ZPLD1: variants seen among roughly 807,000 people sequenced by gnomAD.
The protein encoded by ZPLD1 is zona pellucida-like domain-containing protein 1.
Under a neutral mutation model 47.2 loss-of-function variants are expected in ZPLD1, and 34 were observed. The observed-to-expected ratio is 0.72, with a 90% CI of 0.55 to 0.96. The LOEUF is 0.96. ZPLD1 is among the 40% of genes least tolerant of loss of function. The pLI, the probability that ZPLD1 is intolerant of heterozygous loss-of-function variation, is 0.00. For synonymous variants in ZPLD1, 176 were observed against 186.2 expected (o/e 0.95, Z 0.45); for missense variants, 512 against 505.8 (o/e 1.01, Z -0.12).
intron 8 of ZPLD1, among the ~76,000 whole-genome samples, chr3:102,466,800 TTAAG>T (rs751230686): frequency 1.8e-4 from 27 of 151,388 alleles, no homozygotes; most frequent in African/African-American, 5.3e-4. Flanking sequence ...AAAAAGAGGA[TTAAG>T]TAAGAAAGAT....
intron 6 of ZPLD1, among the ~76,000 whole-genome samples, chr3:102,386,970 A>G (rs574370976): frequency 6.6e-6 from 1 of 152,144 alleles, no homozygotes; most frequent in Non-Finnish European, 1.5e-5. Flanking sequence ...TTGATGGAAT[A>G]TTTTTTGATG....
At chr3:102,475,257 C>T (rs750460718) in intron 10 of ZPLD1, among the ~76,000 whole-genome samples, 16 of 151,964 alleles carry the variant, frequency 1.1e-4, no homozygotes, top group Non-Finnish European at 2.1e-4. Context: ...CAGCGAAGTC[C>T]TCATTAATGA....
At chr3:102,453,661 T>C (rs551942411) in intron 4 of ZPLD1, among the ~76,000 whole-genome samples, 10 of 152,242 alleles carry the variant, frequency 6.6e-5, no homozygotes, top group Admixed American at 3.3e-4. Flanking sequence ...TATTCTTAAA[T>C]GTGTGGGATT....
chr3:102,426,140 A>G (rs915421871), intron 8 of ZPLD1, among the ~76,000 whole-genome samples: 3 of 151,678 alleles, frequency 2.0e-5, no homozygotes, highest in Admixed American at 6.6e-5. Flanking sequence ...ATGCACACAC[A>G]CACACACACA....
chr3:102,448,623 C>G (rs913584343), intron 3 of ZPLD1, among the ~76,000 whole-genome samples: 1 of 152,134 alleles, frequency 6.6e-6, no homozygotes, highest in Admixed American at 6.5e-5. Context: ...CTGCAGAAAG[C>G]CTTTAGTTTG....
intron 7 of ZPLD1, among the ~76,000 whole-genome samples, chr3:102,415,515 A>G (rs1706795258): frequency 6.6e-6 from 1 of 151,854 alleles, no homozygotes; most frequent in African/African-American, 2.4e-5. Context: ...GGATGCTACA[A>G]ACTTCATGAA....
chr3:102,476,985 T>C (rs1052198111), intron 10 of ZPLD1, 27 bp from the exon 11 acceptor site: 6 of 1,610,132 alleles, frequency 3.7e-6, no homozygotes, highest in Non-Finnish European at 4.2e-6. Flanking sequence ...ATGATGTCAC[T>C]TCTCTTTTTC....
chr3:102,399,824 A>G lies in ZPLD1; in HGVS notation c.-157+7599A>G, dbSNP rs138763869. Among the ~76,000 whole-genome samples the G allele has an allele frequency of 3.4e-4, 52 of 151,732 alleles. 1 individual carries two copies. The East Asian group carries it at 4.8e-3, about 14-fold the overall frequency. On this transcript the variant is annotated intron_variant, in intron 7 of 17. Transcript: ENST00000491959. ...AGAGAGTTTGTTTGTTTGTTTGTTT[A>G]TTTATTTATTTTGTGATAGAGTCTC...
intron 10 of ZPLD1, among the ~76,000 whole-genome samples, chr3:102,473,942 T>C (rs1026102148): frequency 1.3e-5 from 2 of 152,200 alleles, no homozygotes; most frequent in African/African-American, 4.8e-5. Flanking sequence ...TCTTCAAAGC[T>C]CTCTGATGCT....
chr3:102,436,439 C>T (rs182800041), intron 1 of ZPLD1, among the ~76,000 whole-genome samples: 13 of 152,124 alleles, frequency 8.5e-5, no homozygotes, highest in African/African-American at 2.7e-4. Context: ...TATAAATGAA[C>T]AGATCTATTA....
intron 10 of ZPLD1, among the ~76,000 whole-genome samples, chr3:102,476,689 G>T (rs1159314220): frequency 6.6e-6 from 1 of 152,088 alleles, no homozygotes; most frequent in Non-Finnish European, 1.5e-5. Context: ...TGACTGGAGA[G>T]CTAATGATGA....
chr3:102,479,381 T>C lies in ZPLD1; in HGVS notation c.*1763T>C, dbSNP rs1329567565. ...ATCTATTTCAGATACTTTAAGTGAATTGCCATTGATTCTACGATTAAGTTC... is the reference window on the plus strand; with the variant it reads ...ATCTATTTCAGATACTTTAAGTGAACTGCCATTGATTCTACGATTAAGTTC... On this transcript the variant is annotated 3_prime_UTR_variant, in exon 12 of 12. Coordinates refer to ENST00000466937, the MANE Select transcript of ZPLD1 (RefSeq NM_001329788.2). 6.6e-6 allele frequency: 1 copy of C among 152,198 alleles called. No individual in the cohort carries two copies. Among genetic ancestry groups the C allele is most frequent in the Non-Finnish European group, 1.5e-5 (1 of 68,010 alleles). The allele number at this position is 152,198 out of a possible 1,614,324, so 9.4% of individuals were successfully genotyped here. A position where few individuals can be genotyped will look rare whatever the true frequency, so the allele number is the denominator to read the frequency against.
Position 102,415,263 on chromosome 3 carries a change from G to A in ZPLD1, c.-156-2797G>A, listed in dbSNP as rs77874352. Among the ~76,000 whole-genome samples, 217 of 151,900 alleles carry A rather than the reference G, an allele frequency of 1.4e-3. 1 individual carries two copies. Among genetic ancestry groups the A allele is most frequent in the South Asian group, 6.2e-3 (30 of 4,812 alleles). ...TATAATTTAGCTCTGCAGTAAGAAA[G>A]CCATTACACTGTGTCTATGAGATAC... On this transcript the variant is annotated intron_variant, in intron 7 of 17. Transcript: ENST00000491959.
intron 7 of ZPLD1, among the ~76,000 whole-genome samples, chr3:102,463,132 A>G (rs1707535245): frequency 6.6e-6 from 1 of 152,066 alleles, no homozygotes; most frequent in African/African-American, 2.4e-5. Flanking sequence ...TTCGCTTCCC[A>G]TGGATTAGTA....
intron 7 of ZPLD1, among the ~76,000 whole-genome samples, chr3:102,462,802 A>G (rs188233568): frequency 1.3e-4 from 20 of 152,266 alleles, no homozygotes; most frequent in African/African-American, 3.1e-4. Flanking sequence ...ATTACATAAA[A>G]TGATCTCCAG....
In ZPLD1 at chr3:102,390,903, G is replaced by A. The variant is rs572369855; in HGVS notation, c.-212-1267G>A. The stretch of plus-strand genomic sequence containing the variant: ...CATTGGAAAGCACCTCAAATAATTA[G>A]CATGTAAGCCCAGTGATATTCTAGG... On this transcript the variant is annotated intron_variant, in intron 6 of 17. Transcript: ENST00000491959. Among the ~76,000 whole-genome samples, 177 of 152,040 alleles carry A rather than the reference G, an allele frequency of 1.2e-3. 1 individual carries two copies. The highest frequency in any genetic ancestry group is 4.0e-3 in the African/African-American group (166 of 41,456).
At chr3:102,430,967 G>T (rs1411292616), upstream of ZPLD1, among the ~76,000 whole-genome samples, 2 of 152,142 alleles carry the variant, frequency 1.3e-5, no homozygotes, top group Non-Finnish European at 1.5e-5. Flanking sequence ...TATCTTCAAA[G>T]CTGCTTCAGA....
At chr3:102,427,313 A>C (rs1706960318) in intron 8 of ZPLD1, among the ~76,000 whole-genome samples, 1 of 152,184 alleles carries the variant, frequency 6.6e-6, no homozygotes, top group Non-Finnish European at 1.5e-5. Context: ...AAAATCATCC[A>C]AAAGTGGAAG....
intron 3 of ZPLD1, among the ~76,000 whole-genome samples, chr3:102,439,800 C>T (rs181380764): frequency 1.5e-4 from 23 of 152,248 alleles, no homozygotes; most frequent in South Asian, 4.1e-4. Context: ...TTTACGTATA[C>T]GTCTAATAAG....
Sources: allele counts gnomAD v4.1 joint callset (sites outside exome capture counted in the v4.1 genomes callset), GRCh38; gene constraint gnomAD v4.1.1; transcripts MANE v1.5; gene names NCBI Gene and HGNC (gene_info 2026-07-23, HGNC 2026-07-21).